The following RHBDD1 variants were observed in gnomAD, a reference collection of about 807,000 sequenced individuals.
RHBDD1 encodes rhomboid-related protein 4.
RHBDD1 carries 38 observed loss-of-function variants against 36.3 expected under a neutral mutation model. That is an observed-to-expected ratio of 1.05 (90% CI 0.81 to 1.37). The LOEUF (loss-of-function observed/expected upper bound fraction) is 1.37, where lower values mean the gene tolerates loss of function less well. RHBDD1 is among the 40% of genes most tolerant of loss of function. The probability of loss-of-function intolerance (pLI) is 0.00; values close to 1 mark genes in which losing one functional copy is unlikely to be tolerated. For synonymous variants in RHBDD1, 151 were observed against 136.5 expected, an observed-to-expected ratio of 1.11 and a Z score of -0.74; for missense variants, 393 against 377.6, an observed-to-expected ratio of 1.04 and a Z score of -0.34.
chr2:226,905,314 TAGG>T (rs1261272434), intron 5 of RHBDD1, among the ~76,000 whole-genome samples: 1 of 151,948 alleles, frequency 6.6e-6, no homozygotes, highest in Non-Finnish European at 1.5e-5. Flanking sequence ...CAGAATAAGG[TAGG>T]AGCCTCAGCT....
chr2:226,834,490 CTTCT>C (rs370070758), upstream of RHBDD1, among the ~76,000 whole-genome samples: 82 of 152,308 alleles, frequency 5.4e-4, no homozygotes, highest in African/African-American at 1.9e-3. Context: ...TGCTAAGAAT[CTTCT>C]TTGTCACTTG....
At chr2:226,979,830 A>G (rs1235943534) in intron 8 of RHBDD1, among the ~76,000 whole-genome samples, 2 of 152,340 alleles carry the variant, frequency 1.3e-5, no homozygotes, top group East Asian at 1.9e-4. Context: ...TCACACCTAC[A>G]TTAACCATCA....
the RHBDD1 span, among the ~76,000 whole-genome samples, chr2:226,828,447 G>T: frequency 6.6e-6 from 1 of 152,148 alleles, no homozygotes; most frequent in Non-Finnish European, 1.5e-5. Flanking sequence ...GAGTGAAATT[G>T]CTGGGTTGTA....
chr2:226,961,250 GTATAT>G (rs1212617023), intron 8 of RHBDD1, among the ~76,000 whole-genome samples: 1 of 152,122 alleles, frequency 6.6e-6, no homozygotes, highest in East Asian at 1.9e-4. Flanking sequence ...GGGTAGGGAG[GTATAT>G]TATACCCTCC....
At chr2:226,814,420 T>C in the RHBDD1 span, among the ~76,000 whole-genome samples, 1 of 152,200 alleles carries the variant, frequency 6.6e-6, no homozygotes, top group Admixed American at 6.5e-5. Context: ...TGGATGACTT[T>C]GAATACGGAT....
intron 8 of RHBDD1, among the ~76,000 whole-genome samples, chr2:226,966,442 G>T (rs1157583601): frequency 6.6e-6 from 1 of 152,176 alleles, no homozygotes; most frequent in East Asian, 1.9e-4. Context: ...TGTTTTCATT[G>T]TCCAACATGG....
At chr2:226,813,107 A>G in the RHBDD1 span, among the ~76,000 whole-genome samples, 4 of 152,304 alleles carry the variant, frequency 2.6e-5, no homozygotes, top group Admixed American at 6.5e-5. Context: ...TGACTTTGCT[A>G]TAATATCCAC....
intron 8 of RHBDD1, among the ~76,000 whole-genome samples, chr2:226,994,103 T>C (rs1195335788): frequency 6.6e-6 from 1 of 152,208 alleles, no homozygotes; most frequent in East Asian, 1.9e-4. Context: ...ACCTTCCCAG[T>C]CTGCCTCTTC....
intron 3 of RHBDD1, among the ~76,000 whole-genome samples, chr2:226,847,499 CACA>C (rs751389715): frequency 1.1e-4 from 16 of 152,152 alleles, no homozygotes; most frequent in Non-Finnish European, 2.2e-4. Flanking sequence ...TGACATAAGA[CACA>C]AGCTTGTAGT....
intron 8 of RHBDD1, among the ~76,000 whole-genome samples, chr2:226,935,727 T>C (rs1008299469): frequency 2.0e-5 from 3 of 151,978 alleles, no homozygotes; most frequent in Non-Finnish European, 4.4e-5. Context: ...TAAAAAGAGA[T>C]GGGAGTTTTG....
intron 5 of RHBDD1, among the ~76,000 whole-genome samples, chr2:226,874,003 G>A (rs1022201223): frequency 6.6e-5 from 10 of 152,230 alleles, no homozygotes; most frequent in East Asian, 3.9e-4. Context: ...ATTCAAGGTC[G>A]TCCTACATGG....
Position 226,998,995 on chromosome 2 carries a change from A to G in RHBDD1, c.*3473A>G, listed in dbSNP as rs1170461605. Reference sequence around the variant, plus strand: ...TTCAGATCCTCCTCATCCAGCCCCCATCTGAATCCTGTAACAGACACAACC... The same window carrying G: ...TTCAGATCCTCCTCATCCAGCCCCCGTCTGAATCCTGTAACAGACACAACC... On this transcript the variant is annotated 3_prime_UTR_variant, in exon 9 of 9. Transcript: ENST00000392062. 1.3e-5 allele frequency: 2 copies of G among 152,204 alleles called. No homozygotes were observed. The highest frequency in any genetic ancestry group is 2.4e-5 in the African/African-American group (1 of 41,420). The allele number at this position is 152,204 out of a possible 1,614,324, so 9.4% of individuals were successfully genotyped here. A position where few individuals can be genotyped will look rare whatever the true frequency, so the allele number is the denominator to read the frequency against.
rs2149643246 is a variant in RHBDD1, at chr2:226,997,769, T to C, written c.*2247T>C. On this transcript the variant is annotated 3_prime_UTR_variant, in exon 9 of 9. Transcript: ENST00000392062. ...TTGATGGAGTGGAACATCTTAGTGA[T>C]GTGAGAAAGGTCATTTTAGTTATAA... 1.3e-5 allele frequency: 2 copies of C among 152,374 alleles called. No individual in the cohort carries two copies. The highest frequency in any genetic ancestry group is 6.8e-3 in the Middle Eastern group (2 of 294). The allele number at this position is 152,374 out of a possible 1,614,324, so 9.4% of individuals were successfully genotyped here.
At chr2:226,956,005 A>T (rs1017528977) in intron 8 of RHBDD1, among the ~76,000 whole-genome samples, 3 of 152,186 alleles carry the variant, frequency 2.0e-5, no homozygotes, top group Non-Finnish European at 2.9e-5. Flanking sequence ...TTGGATTCAT[A>T]TATTGCAGTC....
chr2:226,906,746 AATC>A (rs1241235658), intron 5 of RHBDD1, 44 bp from the exon 6 acceptor site: 2 of 1,613,700 alleles, frequency 1.2e-6, no homozygotes, highest in African/African-American at 2.7e-5. Context: ...GAATGTCTCT[AATC>A]AGCAGCAGAA....
chr2:226,945,389 T>TA (rs1950918807), intron 8 of RHBDD1, among the ~76,000 whole-genome samples: 2 of 152,026 alleles, frequency 1.3e-5, no homozygotes, highest in South Asian at 4.2e-4. Context: ...AACTCCCACT[T>TA]ATGAGTGAGA....
At chr2:226,955,236 C>A (rs1398204847) in intron 8 of RHBDD1, among the ~76,000 whole-genome samples, 1 of 152,196 alleles carries the variant, frequency 6.6e-6, no homozygotes, top group Admixed American at 6.5e-5. Flanking sequence ...CCTGTTTGCA[C>A]ACCCTTCCCA....
chr2:226,886,993 A>G (rs1209311729), intron 5 of RHBDD1, among the ~76,000 whole-genome samples: 2 of 151,942 alleles, frequency 1.3e-5, no homozygotes, highest in African/African-American at 4.8e-5. Flanking sequence ...TATATCTTTG[A>G]AAAAACAAGT....
chr2:226,949,949 A>C lies in RHBDD1; in HGVS notation c.856+35598A>C, dbSNP rs191011841. Among the ~76,000 whole-genome samples the C allele has an allele frequency of 1.1e-3, 164 of 152,358 alleles. 1 individual carries two copies. Among genetic ancestry groups the C allele is most frequent in the African/African-American group, 3.6e-3 (150 of 41,588 alleles). The stretch of plus-strand genomic sequence containing the variant: ...GTAAAAATTAATTATTTAGTTGATC[A>C]AAATTGTATCTGTTTTTCACGTACT... On this transcript the variant is annotated intron_variant, in intron 8 of 8. Coordinates refer to ENST00000392062, the MANE Select transcript of RHBDD1 (RefSeq NM_001167608.3).
Sources: allele counts gnomAD v4.1 joint callset (sites outside exome capture counted in the v4.1 genomes callset), GRCh38; gene constraint gnomAD v4.1.1; transcripts MANE v1.5; gene names NCBI Gene and HGNC (gene_info 2026-07-23, HGNC 2026-07-21).